The following NRXN3 variants were observed in gnomAD, a reference collection of about 807,000 sequenced individuals.
NRXN3 encodes the protein neurexin 3.
Under a neutral mutation model 137.6 loss-of-function variants are expected in NRXN3, and 32 were observed. That is an observed-to-expected ratio of 0.23 (90% CI 0.18 to 0.31). The LOEUF (loss-of-function observed/expected upper bound fraction) is 0.31, where lower values mean the gene tolerates loss of function less well. Among genes scored for constraint, NRXN3 ranks in the 10% least tolerant of loss-of-function variants. NRXN3 has a pLI of 1.00. For missense variants in NRXN3, 1,574 were observed against 2,062.5 expected (o/e 0.76, Z 4.59); for synonymous variants, 798 against 784.5 (o/e 1.02, Z -0.29).
chr14:79,132,957 A>G (rs1217275060), intron 15 of NRXN3, among the ~76,000 whole-genome samples: 2 of 152,212 alleles, frequency 1.3e-5, no homozygotes, highest in East Asian at 3.9e-4. Flanking sequence ...TCAACAGGTC[A>G]TTGAATGCGG....
Position 78,328,111 on chromosome 14 carries a change from C to T in NRXN3, c.757+30251C>T, listed in dbSNP as rs557293433. 2.0e-5 allele frequency among the ~76,000 whole-genome samples: 3 copies of T among 152,238 alleles called. No individual in the cohort carries two copies. The South Asian group carries it at 6.2e-4, about 32-fold the overall frequency. On this transcript the variant is annotated intron_variant, in intron 4 of 20. Transcript: ENST00000335750. Reference sequence around the variant, plus strand: ...TAGCCAAGTTGACACATAACAAAGCCGACACACAGGGGATGGGGTGGGTGG... The same window carrying T: ...TAGCCAAGTTGACACATAACAAAGCTGACACACAGGGGATGGGGTGGGTGG...
At chr14:78,624,601 A>G (rs79277420) in intron 4 of NRXN3, among the ~76,000 whole-genome samples, 1 of 152,286 alleles carries the variant, frequency 6.6e-6, no homozygotes, top group East Asian at 1.9e-4. Context: ...CCTTTCCAGA[A>G]GAGAATTGCA....
chr14:78,763,040 G>T (rs1490399862), intron 8 of NRXN3, among the ~76,000 whole-genome samples: 1 of 152,154 alleles, frequency 6.6e-6, no homozygotes, highest in Non-Finnish European at 1.5e-5. Flanking sequence ...CGGGAGTGCT[G>T]GTATGTGTTG....
At chr14:78,955,431 T>G (rs2099395211) in intron 10 of NRXN3, among the ~76,000 whole-genome samples, 1 of 152,206 alleles carries the variant, frequency 6.6e-6, no homozygotes, top group Admixed American at 6.5e-5. Flanking sequence ...AATACATACA[T>G]TTTATGTAAT....
At chr14:79,082,639 G>A (rs1056885196) in intron 15 of NRXN3, among the ~76,000 whole-genome samples, 5 of 152,094 alleles carry the variant, frequency 3.3e-5, no homozygotes, top group Non-Finnish European at 7.4e-5. Context: ...CTTGAACACA[G>A]AATGATCAGT....
chr14:79,406,068 A>G (rs1310401726), intron 15 of NRXN3, among the ~76,000 whole-genome samples: 2 of 152,164 alleles, frequency 1.3e-5, no homozygotes, highest in African/African-American at 4.8e-5. Context: ...AAGAAAGTAC[A>G]GAATGTTTTG....
At chr14:78,669,401 G>A (rs1173425868) in intron 6 of NRXN3, among the ~76,000 whole-genome samples, 3 of 152,136 alleles carry the variant, frequency 2.0e-5, no homozygotes, top group African/African-American at 7.2e-5. Context: ...AGAGAGTAAA[G>A]GAATGGGAAT....
At chr14:79,237,566 C>A (rs74067927) in intron 15 of NRXN3, among the ~76,000 whole-genome samples, 3,033 of 152,134 alleles carry the variant, frequency 0.02, 92 homozygotes, top group African/African-American at 0.069. Context: ...CTTCCCTTGT[C>A]TCTTGGAAAT....
In NRXN3 at chr14:78,709,412, T is replaced by C. The variant is rs1375466857; in HGVS notation, c.1417T>C (p.Phe473Leu). 1.2e-6 allele frequency: 2 copies of C among 1,614,146 alleles called. No homozygotes were observed. The highest frequency in any genetic ancestry group is 1.7e-5 in the Admixed American group (1 of 60,018). Residue 473 changes from phenylalanine to leucine, a missense_variant, in exon 7 of 21, where the codon TTT becomes CTT. Transcript: ENST00000335750. ...WNTKRMGSIS[F>L]DFRTTEPNGL... The stretch of plus-strand genomic sequence containing the variant: ...CACTAAACGTATGGGCTCCATCTCC[T>C]TTGACTTCCGCACCACAGAGCCCAA...
At chr14:79,295,585 C>A (rs1396315185) in intron 15 of NRXN3, among the ~76,000 whole-genome samples, 1 of 152,044 alleles carries the variant, frequency 6.6e-6, no homozygotes, top group Non-Finnish European at 1.5e-5. Context: ...ACTCCCAGTA[C>A]CTAAGGCAGT....
chr14:78,301,944 G>A (rs1466199735), intron 4 of NRXN3, among the ~76,000 whole-genome samples: 1 of 152,116 alleles, frequency 6.6e-6, no homozygotes, highest in African/African-American at 2.4e-5. Flanking sequence ...CCATTGCTAA[G>A]TTGGTATCTT....
chr14:79,749,999 T>C (rs545199406), intron 19 of NRXN3, among the ~76,000 whole-genome samples: 82 of 152,314 alleles, frequency 5.4e-4, no homozygotes, highest in African/African-American at 1.9e-3. Flanking sequence ...AATCACTTGC[T>C]TTCAGATAAT....
intron 15 of NRXN3, among the ~76,000 whole-genome samples, chr14:79,448,786 T>C (rs2096114312): frequency 6.6e-6 from 1 of 152,114 alleles, no homozygotes; most frequent in African/African-American, 2.4e-5. Flanking sequence ...TGCGTGTACA[T>C]TTATGTATGT....
chr14:79,266,441 T>C (rs546523333), intron 15 of NRXN3, among the ~76,000 whole-genome samples: 2 of 152,288 alleles, frequency 1.3e-5, no homozygotes, highest in South Asian at 4.1e-4. Flanking sequence ...TTATTGGGAC[T>C]GATGTTATTG....
intron 16 of NRXN3, among the ~76,000 whole-genome samples, chr14:79,491,572 C>G (rs1186539599): frequency 2.0e-5 from 3 of 150,822 alleles, no homozygotes; most frequent in Admixed American, 6.6e-5. Context: ...CACTAATGTA[C>G]CCTGTAAAGA....
chr14:79,757,408 G>A (rs1028723878), intron 19 of NRXN3, among the ~76,000 whole-genome samples: 11 of 152,110 alleles, frequency 7.2e-5, no homozygotes, highest in Admixed American at 7.2e-4. Context: ...CAGAAGCAGG[G>A]CGTTGTCTAA....
At chr14:79,815,277 G>T (rs1327999613) in intron 20 of NRXN3, among the ~76,000 whole-genome samples, 1 of 152,152 alleles carries the variant, frequency 6.6e-6, no homozygotes, top group Non-Finnish European at 1.5e-5. Flanking sequence ...CCTCTTTAAG[G>T]GTTGAGCACG....
intron 15 of NRXN3, among the ~76,000 whole-genome samples, chr14:79,378,648 T>G (rs1372409161): frequency 6.6e-6 from 1 of 152,184 alleles, no homozygotes; most frequent in Non-Finnish European, 1.5e-5. Context: ...ACTGTGAAAT[T>G]TAGCAAAGCA....
intron 15 of NRXN3, among the ~76,000 whole-genome samples, chr14:79,029,492 G>A (rs1319970027): frequency 6.6e-6 from 1 of 152,108 alleles, no homozygotes; most frequent in African/African-American, 2.4e-5. Context: ...TTCTGTTTCA[G>A]GAATGGCAAA....
Sources: allele counts gnomAD v4.1 joint callset (sites outside exome capture counted in the v4.1 genomes callset), GRCh38; gene constraint gnomAD v4.1.1; transcripts MANE v1.5; gene names NCBI Gene and HGNC (gene_info 2026-07-23, HGNC 2026-07-21).